Variants in CACNA1E observed in about 807,000 individuals in gnomAD.
The protein encoded by CACNA1E is voltage-dependent R-type calcium channel subunit alpha-1E.
In CACNA1E, 40 loss-of-function variants were observed where a neutral mutation model predicts 259.2. The ratio of observed to expected loss-of-function variants is 0.15; its 90% CI spans 0.12 to 0.20. CACNA1E has a LOEUF of 0.20. Among genes scored for constraint, CACNA1E ranks in the 10% least tolerant of loss-of-function variants. The probability of loss-of-function intolerance (pLI) is 1.00; values close to 1 mark genes in which losing one functional copy is unlikely to be tolerated. For synonymous variants in CACNA1E, 1,104 were observed against 1,138.5 expected, an observed-to-expected ratio of 0.97 and a Z score of 0.61; for missense variants, 1,874 against 3,040.1, an observed-to-expected ratio of 0.62 and a Z score of 9.02.
At chr1:181,533,215 T>A (rs752316362) in intron 3 of CACNA1E, among the ~76,000 whole-genome samples, 28 of 151,476 alleles carry the variant, frequency 1.8e-4, no homozygotes, top group Non-Finnish European at 3.4e-4. Context: ...CATTTGGGGT[T>A]TTTTTAGTAA....
intron 3 of CACNA1E, among the ~76,000 whole-genome samples, chr1:181,564,007 A>AT (rs1649577489): frequency 6.6e-6 from 1 of 152,212 alleles, no homozygotes; most frequent in African/African-American, 2.4e-5. Context: ...AATGCTCATG[A>AT]TTATCTAAGC....
chr1:181,428,156 C>T lies in CACNA1E; in HGVS notation c.434+14576C>T, dbSNP rs543977579. Reference sequence around the variant, plus strand: ...TTTCCCACGCTATGCCCTCACTCTCCGGAGGACTGGCACTTCTCTCAACAC... The same window carrying T: ...TTTCCCACGCTATGCCCTCACTCTCTGGAGGACTGGCACTTCTCTCAACAC... On this transcript the variant is annotated intron_variant, in intron 2 of 11. Coordinates refer to the CACNA1E transcript ENST00000524607. Among the ~76,000 whole-genome samples the T allele has an allele frequency of 1.8e-3, 269 of 152,272 alleles. 2 individuals are homozygous for T. The highest frequency in any genetic ancestry group is 5.8e-3 in the African/African-American group (239 of 41,550).
At chr1:181,473,340 A>T (rs505738) in intron 2 of CACNA1E, among the ~76,000 whole-genome samples, 1 of 151,994 alleles carries the variant, frequency 6.6e-6, no homozygotes, top group East Asian at 1.9e-4. Flanking sequence ...AAACCATGCT[A>T]ATTATGCATA....
At chr1:181,397,500 C>T (rs928556684) in intron 1 of CACNA1E, among the ~76,000 whole-genome samples, 6 of 152,114 alleles carry the variant, frequency 3.9e-5, no homozygotes, top group African/African-American at 1.2e-4. Context: ...GGGGTTTCAC[C>T]GTGTTGGCCA....
chr1:181,580,488 T>G, intron 5 of CACNA1E, 107 bp from the exon 6 acceptor site: 1 of 1,089,556 alleles, frequency 9.2e-7, no homozygotes, highest in South Asian at 1.4e-5. Context: ...AGGGCAGGCC[T>G]CTTTCCGTGG....
chr1:181,489,076 C>T (rs1027200978), intron 1 of CACNA1E, among the ~76,000 whole-genome samples: 14 of 152,178 alleles, frequency 9.2e-5, no homozygotes, highest in African/African-American at 3.4e-4. Context: ...TTACGTCATG[C>T]ACAGGGCTGC....
intron 26 of CACNA1E, among the ~76,000 whole-genome samples, chr1:181,751,172 A>G (rs1244594631): frequency 1.3e-5 from 2 of 152,258 alleles, no homozygotes; most frequent in Non-Finnish European, 2.9e-5. Flanking sequence ...TGTGTGTTTT[A>G]TAAATGACAA....
chr1:181,711,044 C>A lies in CACNA1E; in HGVS notation c.1146C>A (p.Gly382=). The A allele has an allele frequency of 6.2e-7, 1 of 1,613,642 alleles. No homozygotes were observed. The highest frequency in any genetic ancestry group is 8.5e-7 in the Non-Finnish European group (1 of 1,179,622). ...AGCAGATTGAGCGTGAGCTGAATGG[C>A]TACCGTGCCTGGATAGACAAAGCAG... The part of the protein sequence containing the change: ...RQQQIERELN[G]YRAWIDKAEE... Residue 382 remains glycine, a synonymous_variant, in exon 8 of 48, where the codon GGC becomes GGA. Coordinates refer to ENST00000367573, the MANE Select transcript of CACNA1E (RefSeq NM_001205293.3).
At chr1:181,404,626 C>G (rs564831360) in intron 1 of CACNA1E, among the ~76,000 whole-genome samples, 1 of 152,186 alleles carries the variant, frequency 6.6e-6, no homozygotes, top group Non-Finnish European at 1.5e-5. Flanking sequence ...AGATCAGACA[C>G]GCTTTGGAGG....
At chr1:181,567,020 T>G (rs75769498) in intron 3 of CACNA1E, among the ~76,000 whole-genome samples, 2,781 of 152,256 alleles carry the variant, frequency 0.018, 78 homozygotes, top group African/African-American at 0.06. Flanking sequence ...CCACCAATTG[T>G]CTGTCCCCAA....
At chr1:181,416,223 G>A (rs1183825918) in intron 2 of CACNA1E, among the ~76,000 whole-genome samples, 1 of 152,186 alleles carries the variant, frequency 6.6e-6, no homozygotes, top group African/African-American at 2.4e-5. Context: ...GTGTCAGCAG[G>A]CTTGTTCTGC....
intron 3 of CACNA1E, among the ~76,000 whole-genome samples, chr1:181,551,745 C>T (rs779709235): frequency 2.0e-5 from 3 of 152,114 alleles, no homozygotes; most frequent in Non-Finnish European, 2.9e-5. Context: ...GACAGCTGGT[C>T]ACCAAGCTTC....
Position 181,766,631 on chromosome 1 carries a change from G to T in CACNA1E, c.4881+20G>T, listed in dbSNP as rs774041729. 1.3e-6 allele frequency: 2 copies of T among 1,576,328 alleles called. No individual in the cohort carries two copies. The highest frequency in any genetic ancestry group is 1.7e-6 in the Non-Finnish European group (2 of 1,146,886). On this transcript the variant is annotated intron_variant, in intron 35 of 47. Coordinates refer to ENST00000367573, the MANE Select transcript of CACNA1E (RefSeq NM_001205293.3). Reference sequence around the variant, plus strand: ...ATGCAGGTGAGCTGGTAAATCAAGGGCCCGGTGGGGGACAGCTGTTACCCA... The same window carrying T: ...ATGCAGGTGAGCTGGTAAATCAAGGTCCCGGTGGGGGACAGCTGTTACCCA...
chr1:181,403,592 A>G (rs1253811560), intron 1 of CACNA1E, among the ~76,000 whole-genome samples: 2 of 152,160 alleles, frequency 1.3e-5, no homozygotes, highest in Non-Finnish European at 2.9e-5. Context: ...ACAACCAAAA[A>G]ACATAGAGAG....
At chr1:181,327,223 C>T (rs1005074288) in intron 1 of CACNA1E, among the ~76,000 whole-genome samples, 3 of 152,208 alleles carry the variant, frequency 2.0e-5, no homozygotes, top group Admixed American at 6.5e-5. Context: ...TCCTGATTCT[C>T]CTTCCCTTTG....
At chr1:181,551,164 G>A (rs1041527436) in intron 3 of CACNA1E, among the ~76,000 whole-genome samples, 18 of 152,184 alleles carry the variant, frequency 1.2e-4, no homozygotes, top group African/African-American at 2.9e-4. Flanking sequence ...TAGATGACAG[G>A]CTGTGTCTCC....
intron 6 of CACNA1E, among the ~76,000 whole-genome samples, chr1:181,591,407 A>G (rs1414671550): frequency 6.6e-6 from 1 of 152,210 alleles, no homozygotes; most frequent in African/African-American, 2.4e-5. Flanking sequence ...TTTTCTCAAT[A>G]CTGTGAAACT....
chr1:181,724,761 C>T (rs891323270), intron 17 of CACNA1E, among the ~76,000 whole-genome samples: 3 of 152,204 alleles, frequency 2.0e-5, no homozygotes, highest in African/African-American at 7.2e-5. Context: ...CCTCAAGGAA[C>T]ACAGAAAATA....
intron 2 of CACNA1E, among the ~76,000 whole-genome samples, chr1:181,464,216 A>C (rs1662003725): frequency 6.6e-6 from 1 of 152,108 alleles, no homozygotes; most frequent in South Asian, 2.1e-4. Context: ...CTCTTTATTC[A>C]TCATATGATT....
Sources: gnomAD v4.1 joint callset for allele counts (sites outside exome capture counted in the v4.1 genomes callset) on GRCh38, gnomAD v4.1.1 for gene constraint, MANE v1.5 for transcripts, NCBI Gene and HGNC (gene_info 2026-07-23, HGNC 2026-07-21) for gene names.